Variants in KIFC3 observed in about 807,000 individuals in gnomAD.
KIFC3 encodes kinesin family member C3.
KIFC3 carries 60 observed loss-of-function variants against 101.8 expected under a neutral mutation model. The observed-to-expected ratio is 0.59, with a 90% CI of 0.48 to 0.73. The LOEUF (loss-of-function observed/expected upper bound fraction) is 0.73. Among genes scored for constraint, KIFC3 ranks in the 30% least tolerant of loss-of-function variants. The pLI is 0.00. For synonymous variants in KIFC3, 476 were observed against 482.7 expected, an observed-to-expected ratio of 0.99 and a Z score of 0.18; for missense variants, 966 against 1,137.1, an observed-to-expected ratio of 0.85 and a Z score of 2.16.
intron 3 of KIFC3, among the ~76,000 whole-genome samples, chr16:57,788,412 G>C (rs1170355487): frequency 6.6e-6 from 1 of 152,236 alleles, no homozygotes; most frequent in Admixed American, 6.5e-5. Context: ...ATCCGGGAGA[G>C]GCAGGCTGGG....
Position 57,802,433 on chromosome 16 carries a change from G to C in KIFC3, c.-103C>G, listed in dbSNP as rs1244632604. 1.0e-6 allele frequency: 1 copy of C among 982,834 alleles called. No homozygotes were observed. Among genetic ancestry groups the C allele is most frequent in the African/African-American group, 1.8e-5 (1 of 57,008 alleles). The allele number at this position is 982,834 out of a possible 1,614,324, so 60.9% of individuals were successfully genotyped here. On this transcript the variant is annotated 5_prime_UTR_variant, in exon 1 of 20. Coordinates refer to ENST00000445690, the MANE Select transcript of KIFC3 (RefSeq NM_001130100.2). This position sits in a 1 kb window ranked among gnomAD's most constrained non-coding sequence, Gnocchi z 5.0. ...CCCGGGGCTCGGCCCGGCCCGGCCC[G>C]CCGGCAGGAGGCAGCTCCACGCCGC...
chr16:57,855,293 T>C (rs1404637342), intron 1 of KIFC3, among the ~76,000 whole-genome samples: 1 of 151,866 alleles, frequency 6.6e-6, no homozygotes, highest in African/African-American at 2.4e-5. Context: ...CCCAGCTAAT[T>C]TTTGTATTTT....
chr16:57,765,321 G>T, intron 11 of KIFC3, 138 bp downstream of exon 11: 1 of 832,004 alleles, frequency 1.2e-6, no homozygotes, highest in Non-Finnish European at 1.8e-6. Flanking sequence ...AGAGGAAGGA[G>T]CAGGACCCTG....
chr16:57,803,244 C>A (rs2054846802), upstream of KIFC3: 1 of 703,758 alleles, frequency 1.4e-6, no homozygotes, highest in African/African-American at 1.7e-5. Flanking sequence ...CACCTAGAGC[C>A]TCAGAAGAGG....
At chr16:57,802,893 C>G (rs2054832455), upstream of KIFC3, 1 of 1,356,564 alleles carries the variant, frequency 7.4e-7, no homozygotes, top group Admixed American at 2.0e-5. This position sits in a 1 kb window ranked among gnomAD's most constrained non-coding sequence, Gnocchi z 5.0. Context: ...CACACATACA[C>G]TTCTCACGCG....
At position 57,764,265 on chromosome 16, in the gene KIFC3, G is replaced by T; in HGVS notation, c.1513-18C>A. Reference sequence around the variant, plus strand: ...TGGAACACCTGGGAGGGTGGTGGGAGGGAGGCTGGTGGGGGGGCTTCCAGG... The same window carrying T: ...TGGAACACCTGGGAGGGTGGTGGGATGGAGGCTGGTGGGGGGGCTTCCAGG... On this transcript the variant is annotated intron_variant, in intron 11 of 19. Coordinates refer to ENST00000445690, the MANE Select transcript of KIFC3 (RefSeq NM_001130100.2). 3.4e-6 allele frequency: 5 copies of T among 1,474,804 alleles called. No homozygotes were observed. The highest frequency in any genetic ancestry group is 2.4e-5 in the East Asian group (1 of 41,670). 91.4% of individuals were successfully genotyped at this position (1,474,804 alleles called of 1,614,324 possible).
Position 57,852,530 on chromosome 16 carries a change from A to C in KIFC3, c.108+10199T>G, listed in dbSNP as rs186242098. 6.6e-5 allele frequency among the ~76,000 whole-genome samples: 10 copies of C among 152,296 alleles called. No homozygotes were observed. The East Asian group carries it at 1.9e-3, about 29-fold the overall frequency. ...CTCTGGGCCAGGTGTTCCAAAATCC[A>C]GATTCCTTAACACCTTTCGTCTACT... On this transcript the variant is annotated intron_variant, in intron 1 of 2. Coordinates refer to the KIFC3 transcript ENST00000563028.
upstream of KIFC3, chr16:57,802,729 G>A: frequency 2.5e-6 from 2 of 786,750 alleles, no homozygotes; most frequent in South Asian, 1.7e-5. The surrounding 1 kb of genome is among the most constrained non-coding windows in gnomAD (Gnocchi z 5.0). Flanking sequence ...ACTCGCACTG[G>A]CACACGTGCT....
chr16:57,822,999 G>C (rs1294739890), intron 1 of KIFC3, among the ~76,000 whole-genome samples: 2 of 152,040 alleles, frequency 1.3e-5, no homozygotes, highest in Non-Finnish European at 2.9e-5. Context: ...CTTGGCCAAG[G>C]GCATTCTAAC....
intron 4 of KIFC3, 101 bp downstream of exon 4, chr16:57,772,122 G>C: frequency 1.0e-6 from 1 of 984,460 alleles, no homozygotes; most frequent in South Asian, 1.5e-5. Flanking sequence ...TGGGATATGC[G>C]GGCTCAGGAG....
intron 1 of KIFC3, among the ~76,000 whole-genome samples, chr16:57,836,867 A>T (rs1299990129): frequency 4.0e-5 from 6 of 151,898 alleles, no homozygotes; most frequent in African/African-American, 7.3e-5. Flanking sequence ...AATTTTTAAA[A>T]TTTTTTTGTA....
intron 10 of KIFC3, 70 bp downstream of exon 10, chr16:57,766,804 C>T: frequency 2.9e-6 from 3 of 1,051,432 alleles, no homozygotes; most frequent in Non-Finnish European, 4.3e-6. Flanking sequence ...GGGGTGAGCT[C>T]CAAGCATGAC....
intron 1 of KIFC3, among the ~76,000 whole-genome samples, chr16:57,844,976 C>A (rs1371678483): frequency 6.6e-6 from 1 of 152,184 alleles, no homozygotes; most frequent in Non-Finnish European, 1.5e-5. Context: ...CCTTTGGGTT[C>A]TTTAGCCAGT....
intron 1 of KIFC3, among the ~76,000 whole-genome samples, chr16:57,818,298 G>A (rs1390073948): frequency 6.6e-6 from 1 of 152,132 alleles, no homozygotes; most frequent in African/African-American, 2.4e-5. Flanking sequence ...TTGGGAAACA[G>A]TTGGTAAGGA....
chr16:57,845,507 C>A (rs2055899400), intron 1 of KIFC3, among the ~76,000 whole-genome samples: 1 of 152,132 alleles, frequency 6.6e-6, no homozygotes, highest in African/African-American at 2.4e-5. Context: ...CTCCCAACAC[C>A]TTTGCTCTGC....
chr16:57,779,192 A>C (rs1555613246), intron 3 of KIFC3, among the ~76,000 whole-genome samples: 2 of 152,256 alleles, frequency 1.3e-5, no homozygotes, highest in Admixed American at 6.5e-5. Flanking sequence ...TGGATGGATG[A>C]ATGGAAAAAC....
At chr16:57,811,290 C>A (rs1055293794) in intron 1 of KIFC3, among the ~76,000 whole-genome samples, 1 of 152,136 alleles carries the variant, frequency 6.6e-6, no homozygotes, top group Non-Finnish European at 1.5e-5. Context: ...TGACAGTGTA[C>A]AACTCTGTAA....
At position 57,775,976 on chromosome 16, in the gene KIFC3, C is replaced by T. The variant is rs538130111; in HGVS notation, c.316-3688G>A. On this transcript the variant is annotated intron_variant, in intron 3 of 19. Transcript: ENST00000445690. The stretch of plus-strand genomic sequence containing the variant: ...GGAAGAGGGAGCTGGGCCTGTCTGC[C>T]GGCTTGACACCACCTGCATTTACAC... 1.3e-5 allele frequency: 13 copies of T among 985,490 alleles called. No homozygotes were observed. In the East Asian group the frequency reaches 3.4e-4, roughly 26 times the overall value. The allele number at this position is 985,490 out of a possible 1,614,324, so 61.0% of individuals were successfully genotyped here. A position where few individuals can be genotyped will look rare whatever the true frequency, so the allele number is the denominator to read the frequency against.
At chr16:57,842,184 A>T (rs1002545312) in intron 1 of KIFC3, among the ~76,000 whole-genome samples, 21 of 152,030 alleles carry the variant, frequency 1.4e-4, no homozygotes, top group African/African-American at 5.1e-4. Flanking sequence ...TGGGCAACAG[A>T]GCGAGACTCC....
Sources: allele counts gnomAD v4.1 joint callset (sites outside exome capture counted in the v4.1 genomes callset), GRCh38; gene constraint gnomAD v4.1.1; non-coding constraint Gnocchi (gnomAD v3.1); transcripts MANE v1.5; gene names NCBI Gene and HGNC (gene_info 2026-07-23, HGNC 2026-07-21).